The following SLC2A5 variants were observed in gnomAD, a reference collection of about 807,000 sequenced individuals.
The protein encoded by SLC2A5 is solute carrier family 2, facilitated glucose transporter member 5.
A neutral mutation model predicts 50.3 loss-of-function variants in SLC2A5; 56 were observed. The ratio of observed to expected loss-of-function variants is 1.11; its 90% CI spans 0.90 to 1.39. The LOEUF is 1.39. SLC2A5 is among the 40% of genes most tolerant of loss of function. SLC2A5 has a pLI of 0.00. For missense variants in SLC2A5, 566 were observed against 650.1 expected, an observed-to-expected ratio of 0.87 and a Z score of 1.41; for synonymous variants, 269 against 281.9, an observed-to-expected ratio of 0.95 and a Z score of 0.46.
chr1:9,087,072 C>T (rs1462082035), intron 1 of SLC2A5, among the ~76,000 whole-genome samples: 2 of 152,212 alleles, frequency 1.3e-5, no homozygotes, highest in East Asian at 3.8e-4. Flanking sequence ...TCTTTCAAAA[C>T]CCTTAAATAT....
intron 1 of SLC2A5, among the ~76,000 whole-genome samples, chr1:9,061,448 T>A (rs2896012): frequency 0.65 from 85,322 of 130,728 alleles, 28,894 homozygotes; most frequent in East Asian, 0.9. Flanking sequence ...ACCAAAAAAA[T>A]TTTAAAAATT....
chr1:9,087,259 C>T (rs1324710268), intron 1 of SLC2A5, among the ~76,000 whole-genome samples: 5 of 150,148 alleles, frequency 3.3e-5, no homozygotes, highest in African/African-American at 1.2e-4. Flanking sequence ...GGCTGGAGTG[C>T]AGTGGTGCAA....
chr1:9,070,241 C>T (rs958127462), upstream of SLC2A5, among the ~76,000 whole-genome samples: 4 of 151,682 alleles, frequency 2.6e-5, no homozygotes, highest in Admixed American at 6.6e-5. Context: ...CTACCACGCT[C>T]GGCTAATTTT....
chr1:9,073,819 G>C (rs1327910714), upstream of SLC2A5, among the ~76,000 whole-genome samples: 7 of 152,190 alleles, frequency 4.6e-5, no homozygotes, highest in African/African-American at 1.7e-4. Flanking sequence ...CGGGCGCGGT[G>C]GCTCACGCCT....
At chr1:9,041,359 T>G (rs1334749746) in intron 5 of SLC2A5, 1 of 768,656 alleles carries the variant, frequency 1.3e-6, no homozygotes, top group Non-Finnish European at 1.8e-6. Flanking sequence ...CTGGTACTTC[T>G]CTTTCTGGTC....
At chr1:9,048,877 G>T (rs1236040556) in intron 3 of SLC2A5, among the ~76,000 whole-genome samples, 2 of 152,036 alleles carry the variant, frequency 1.3e-5, no homozygotes, top group African/African-American at 4.8e-5. Flanking sequence ...GGCTGGTCTC[G>T]AACTCCTGGC....
chr1:9,049,140 G>A (rs563169234), intron 3 of SLC2A5: 16 of 455,984 alleles, frequency 3.5e-5, no homozygotes, highest in Non-Finnish European at 7.1e-5. Flanking sequence ...TTCTCTGGAG[G>A]GGCCTCTCGC....
At position 9,069,494 on chromosome 1, in the gene SLC2A5, A is replaced by G; in HGVS notation, c.33+10T>C. ...TGCTCTTGGCCCCTTTCCCTGAGCA[A>G]CACACTCACCCCTTCCTTCATGCTC... On this transcript the variant is annotated intron_variant, in intron 1 of 11. Coordinates refer to ENST00000377424, the MANE Select transcript of SLC2A5 (RefSeq NM_003039.3). 6.2e-7 allele frequency: 1 copy of G among 1,613,870 alleles called. No individual in the cohort carries two copies. The highest frequency in any genetic ancestry group is 8.5e-7 in the Non-Finnish European group (1 of 1,179,934).
In SLC2A5 at chr1:9,040,848, C is replaced by T. The variant is rs1197645216; in HGVS notation, c.572-659G>A. ...ACGCGGCGCCTTGGCGTAAGTGTCCCCAACACATGCAGGAGTGAAGGAGAG... is the reference window on the plus strand; with the variant it reads ...ACGCGGCGCCTTGGCGTAAGTGTCCTCAACACATGCAGGAGTGAAGGAGAG... On this transcript the variant is annotated intron_variant, in intron 5 of 11. Transcript: ENST00000377424. The surrounding 1 kb of genome is among the most constrained non-coding windows in gnomAD (Gnocchi z 4.3). 1.3e-5 allele frequency: 2 copies of T among 153,106 alleles called. No individual in the cohort carries two copies. Among genetic ancestry groups the T allele is most frequent in the Non-Finnish European group, 2.9e-5 (2 of 68,722 alleles). The allele number at this position is 153,106 out of a possible 1,614,324, so 9.5% of individuals were successfully genotyped here.
At chr1:9,077,289 C>T (rs190779497) in intron 2 of SLC2A5, among the ~76,000 whole-genome samples, 371 of 151,084 alleles carry the variant, frequency 2.5e-3, no homozygotes, top group Middle Eastern at 0.01. Context: ...GTCCCAGCCA[C>T]TTGGGAGGCT....
chr1:9,052,973 AAT>A (rs1491369266), intron 3 of SLC2A5, among the ~76,000 whole-genome samples: 16 of 68,338 alleles, frequency 2.3e-4, no homozygotes, highest in African/African-American at 2.8e-4. Flanking sequence ...TTCAAAAAAA[AAT>A]ATATATATAT....
At chr1:9,063,194 C>T (rs974050634) in intron 1 of SLC2A5, among the ~76,000 whole-genome samples, 2 of 152,120 alleles carry the variant, frequency 1.3e-5, no homozygotes, top group African/African-American at 2.4e-5. Context: ...GCTTATTTCA[C>T]TTTGGTGATA....
At position 9,037,972 on chromosome 1, in the gene SLC2A5, T is replaced by A. The variant is rs778630522; in HGVS notation, c.1227A>T (p.Pro409=). The A allele has an allele frequency of 5.6e-6, 9 of 1,613,808 alleles. No homozygotes were observed. The African/African-American group carries it at 1.2e-4, about 22-fold the overall frequency. ...CACTGCCCCCCACCATGAAGGCAGA[T>A]GGCCGAGAGGACTGCAGGAAGATCT... is the stretch of plus-strand genomic sequence containing the variant. The part of the protein sequence containing the change: ...ITEIFLQSSR[P]SAFMVGGSVH... The change falls in exon 11 of 12, where the codon CCA becomes CCT. Residue 409 remains proline (P), a synonymous_variant. Coordinates refer to ENST00000377424, the MANE Select transcript of SLC2A5 (RefSeq NM_003039.3).
chr1:9,039,725 C>T (rs1641244706), intron 7 of SLC2A5, 63 bp from the exon 8 acceptor site: 8 of 1,426,982 alleles, frequency 5.6e-6, no homozygotes, highest in Middle Eastern at 1.9e-4. Context: ...CCAGGACCCA[C>T]GCCCGGCGCC....
At chr1:9,057,292 T>TAAAAA (rs760221358) in intron 3 of SLC2A5, among the ~76,000 whole-genome samples, 156 bp downstream of exon 3, 20 of 103,410 alleles carry the variant, frequency 1.9e-4, no homozygotes, top group African/African-American at 4.1e-4. Flanking sequence ...TCTCAAAAAT[T>TAAAAA]AAAAAAAAAA....
rs1392940929 is a variant in SLC2A5, at chr1:9,066,572, C to A, written c.33+2932G>T. ...GTAGTTGTAAAATACCTTGTTGTAC[C>A]TTTTTCTTTTCCTAATCCATTTTAT... On this transcript the variant is annotated intron_variant, in intron 1 of 11. Coordinates refer to ENST00000377424, the MANE Select transcript of SLC2A5 (RefSeq NM_003039.3). 2.0e-5 allele frequency among the ~76,000 whole-genome samples: 3 copies of A among 152,102 alleles called. No homozygotes were observed. The East Asian group carries it at 5.8e-4, about 29-fold the overall frequency.
rs1355800619 is a variant in SLC2A5, at chr1:9,078,758, C to T, written c.-59+6256G>A. On this transcript the variant is annotated intron_variant, in intron 2 of 5. Coordinates refer to the SLC2A5 transcript ENST00000464985. ...GAACAAAGTGTCGTCAAATAGCTGC[C>T]CTGGACATGGGTGGGGAAGTGACTC... Among the ~76,000 whole-genome samples the T allele has an allele frequency of 2.6e-5, 4 of 152,176 alleles. No homozygotes were observed. In the East Asian group the frequency reaches 7.7e-4, roughly 29 times the overall value.
intron 1 of SLC2A5, among the ~76,000 whole-genome samples, chr1:9,060,770 T>C (rs1383858045): frequency 6.6e-6 from 1 of 150,494 alleles, no homozygotes. Context: ...TCCCATCTGA[T>C]TCGCTCTGTG....
At chr1:9,049,320 T>C (rs1641512744) in intron 3 of SLC2A5, 2 of 390,796 alleles carry the variant, frequency 5.1e-6, no homozygotes, top group Non-Finnish European at 1.0e-5. Context: ...AAATGATTAG[T>C]GTCATAAAAT....
Sources: allele counts gnomAD v4.1 joint callset (sites outside exome capture counted in the v4.1 genomes callset), GRCh38; gene constraint gnomAD v4.1.1; non-coding constraint Gnocchi (gnomAD v3.1); transcripts MANE v1.5; gene names NCBI Gene and HGNC (gene_info 2026-07-23, HGNC 2026-07-21).